The following DHX8 variants were observed in gnomAD, a reference collection of about 807,000 sequenced individuals.
The protein encoded by DHX8 is ATP-dependent RNA helicase DHX8.
In DHX8, 67 loss-of-function variants were observed where a neutral mutation model predicts 140.7. The ratio of observed to expected loss-of-function variants is 0.48; its 90% CI spans 0.39 to 0.58. The LOEUF (loss-of-function observed/expected upper bound fraction) is 0.58, where lower values mean the gene tolerates loss of function less well. Ranked by LOEUF, DHX8 falls within the 20% of genes least tolerant of loss-of-function variation. DHX8 has a pLI of 0.00. For synonymous variants in DHX8, 533 were observed against 553.2 expected (o/e 0.96, Z 0.51); for missense variants, 887 against 1,550.7 (o/e 0.57, Z 7.19).
At position 43,490,191 on chromosome 17, in the gene DHX8, G is replaced by C. The variant is rs1453296668; in HGVS notation, c.235-200G>C. ...GAGCCTAATAACTTTTCTCCCCAAA[G>C]AGTCCTAAATATCGGCTTTCTCTGA... On this transcript the variant is annotated intron_variant, in intron 2 of 22. Coordinates refer to ENST00000262415, the MANE Select transcript of DHX8 (RefSeq NM_004941.3). Among the ~76,000 whole-genome samples the C allele has an allele frequency of 2.0e-5, 3 of 152,176 alleles. No individual in the cohort carries two copies. The East Asian group carries it at 5.8e-4, about 29-fold the overall frequency.
At chr17:43,487,579 C>G (rs1447028786) in intron 1 of DHX8, among the ~76,000 whole-genome samples, 1 of 152,162 alleles carries the variant, frequency 6.6e-6, no homozygotes, top group East Asian at 1.9e-4. Context: ...GTCTTTAACT[C>G]CTGGGCTCGA....
chr17:43,519,585 A>T (rs1371691628), intron 18 of DHX8: 1 of 151,428 alleles, frequency 6.6e-6, no homozygotes, highest in East Asian at 1.9e-4. Flanking sequence ...TCCCGGACTC[A>T]AGCGATTCTC....
chr17:43,486,893 AG>A (rs1220933431), intron 1 of DHX8, among the ~76,000 whole-genome samples: 1 of 151,000 alleles, frequency 6.6e-6, no homozygotes, highest in African/African-American at 2.5e-5. Flanking sequence ...AAAAAAAAAA[AG>A]ATTACTGATG....
At chr17:43,499,867 AG>A in intron 10 of DHX8, 88 bp from the exon 11 acceptor site, 1 of 1,384,248 alleles carries the variant, frequency 7.2e-7, no homozygotes, top group Non-Finnish European at 1.0e-6. Context: ...TTCCAGATGT[AG>A]TCTCATGTTT....
chr17:43,513,575 ATAT>A, intron 17 of DHX8, 73 bp downstream of exon 17: 3 of 1,505,014 alleles, frequency 2.0e-6, no homozygotes, highest in Non-Finnish European at 2.7e-6. Flanking sequence ...TTATGGTTAT[ATAT>A]TTCAAACTTG....
At chr17:43,541,198 C>A (rs12603164) in intron 3 of DHX8, among the ~76,000 whole-genome samples, 2 of 152,032 alleles carry the variant, frequency 1.3e-5, no homozygotes, top group Non-Finnish European at 2.9e-5. Flanking sequence ...GGCCTTCTCC[C>A]AAAGGGGTAG....
At chr17:43,520,368 C>G in intron 19 of DHX8, 101 bp downstream of exon 19, 1 of 1,404,416 alleles carries the variant, frequency 7.1e-7, no homozygotes, top group South Asian at 1.4e-5. Context: ...CGTGGATAAG[C>G]TTTGAGTAAA....
In DHX8 at chr17:43,513,258, T is replaced by G. The variant is rs370954300; in HGVS notation, c.2503-104T>G. 24 of 1,269,354 alleles carry G rather than the reference T, an allele frequency of 1.9e-5. 1 individual carries two copies. The highest frequency in any genetic ancestry group is 2.6e-4 in the Middle Eastern group (1 of 3,802). The allele number at this position is 1,269,354 out of a possible 1,614,324, so 78.6% of individuals were successfully genotyped here. ...CATTTTAACCGTCTAGAGAGAGAGA[T>G]AGCCACATATTCCTTTGGGAAGATA... On this transcript the variant is annotated intron_variant, in intron 16 of 22. Coordinates refer to ENST00000262415, the MANE Select transcript of DHX8 (RefSeq NM_004941.3).
downstream of DHX8, chr17:43,529,638 C>G: frequency 6.2e-7 from 1 of 1,613,906 alleles, no homozygotes; most frequent in Non-Finnish European, 8.5e-7. Flanking sequence ...TAGGGCGGCC[C>G]CTCTCGAAAT....
chr17:43,531,316 C>G (rs966608790), downstream of DHX8, among the ~76,000 whole-genome samples: 1 of 152,164 alleles, frequency 6.6e-6, no homozygotes, highest in African/African-American at 2.4e-5. Flanking sequence ...TGGGACTGGC[C>G]CTCCTTCGGC....
chr17:43,485,481 G>A (rs1051558140), intron 1 of DHX8, among the ~76,000 whole-genome samples: 1 of 152,120 alleles, frequency 6.6e-6, no homozygotes, highest in Non-Finnish European at 1.5e-5. Flanking sequence ...CAGCCAAGAT[G>A]TGTCTGTCCT....
At chr17:43,488,751 CTG>C (rs1470780832) in intron 1 of DHX8, among the ~76,000 whole-genome samples, 1 of 152,126 alleles carries the variant, frequency 6.6e-6, no homozygotes, top group Non-Finnish European at 1.5e-5. Flanking sequence ...TTGTGTGCCT[CTG>C]TGTGTCTACA....
chr17:43,488,846 A>G (rs1968334787), intron 1 of DHX8, among the ~76,000 whole-genome samples: 1 of 152,140 alleles, frequency 6.6e-6, no homozygotes, highest in African/African-American at 2.4e-5. Context: ...AGAAGAGGGT[A>G]CCATGATGTG....
intron 11 of DHX8, among the ~76,000 whole-genome samples, chr17:43,500,495 A>T (rs1481473434): frequency 6.6e-6 from 1 of 151,940 alleles, no homozygotes; most frequent in Non-Finnish European, 1.5e-5. Flanking sequence ...TCGAAAAAAA[A>T]ATTTACCCTT....
intron 8 of DHX8, among the ~76,000 whole-genome samples, chr17:43,494,809 CT>C (rs368825760): frequency 0.22 from 29,966 of 134,362 alleles, 3,384 homozygotes; most frequent in East Asian, 0.31. Context: ...GTTTTCTTTC[CT>C]TTTTTTTTTT....
At chr17:43,530,981 G>A (rs1217268615), downstream of DHX8, among the ~76,000 whole-genome samples, 2 of 152,120 alleles carry the variant, frequency 1.3e-5, no homozygotes, top group African/African-American at 4.8e-5. Flanking sequence ...GAGTTCAAGG[G>A]CATGTAACAC....
intron 2 of DHX8, chr17:43,532,840 C>T (rs555556620): frequency 3.7e-6 from 6 of 1,613,708 alleles, no homozygotes; most frequent in South Asian, 1.1e-5. Context: ...GTGGGCAGGG[C>T]TCCGACAGCT....
At chr17:43,511,295 A>ACTCCAGC (rs1969812383) in intron 16 of DHX8, among the ~76,000 whole-genome samples, 1 of 151,984 alleles carries the variant, frequency 6.6e-6, no homozygotes, top group African/African-American at 2.4e-5. Flanking sequence ...GTGCCATTGC[A>ACTCCAGC]CTCCAGCCTG....
At chr17:43,525,893 T>G, downstream of DHX8, 1 of 985,262 alleles carries the variant, frequency 1.0e-6, no homozygotes, top group Non-Finnish European at 1.2e-6. Flanking sequence ...AGGGTTGGGT[T>G]TCAAGCTGAG....
Sources: allele counts gnomAD v4.1 joint callset (sites outside exome capture counted in the v4.1 genomes callset), GRCh38; gene constraint gnomAD v4.1.1; transcripts MANE v1.5; gene names NCBI Gene and HGNC (gene_info 2026-07-23, HGNC 2026-07-21).